CPEB1: variants seen among roughly 807,000 people sequenced by gnomAD.
CPEB1 encodes the protein cytoplasmic polyadenylation element-binding protein 1.
Under a neutral mutation model 65.8 loss-of-function variants are expected in CPEB1, and 7 were observed. That is an observed-to-expected ratio of 0.11 (90% CI 0.06 to 0.20). The LOEUF (loss-of-function observed/expected upper bound fraction) is 0.20. Among genes scored for constraint, CPEB1 ranks in the 10% least tolerant of loss-of-function variants. The pLI, the probability that CPEB1 is intolerant of heterozygous loss-of-function variation, is 1.00. For synonymous variants in CPEB1, 262 were observed against 260.0 expected, an observed-to-expected ratio of 1.01 and a Z score of -0.08; for missense variants, 551 against 712.2, an observed-to-expected ratio of 0.77 and a Z score of 2.58.
rs1011830212 is a variant in CPEB1 at position 82,543,630 on chromosome 15, C to A, written c.*962G>T. 3 of 151,994 alleles carry A rather than the reference C, an allele frequency of 2.0e-5. No individual in the cohort carries two copies. The highest frequency in any genetic ancestry group is 4.8e-5 in the African/African-American group (2 of 41,260). 9.4% of individuals were successfully genotyped at this position (151,994 alleles called of 1,614,324 possible). On this transcript the variant is annotated 3_prime_UTR_variant, in exon 13 of 13. Coordinates refer to ENST00000684509, the MANE Select transcript of CPEB1 (RefSeq NM_001365242.1). ...AGGGCTCCTGTGAGCCTTCATCTGC[C>A]CCCACCGAAAAGCAGCCCTTTTTAG...
intron 4 of CPEB1, among the ~76,000 whole-genome samples, chr15:82,568,468 G>T (rs939560352): frequency 6.6e-6 from 1 of 152,164 alleles, no homozygotes; most frequent in Non-Finnish European, 1.5e-5. Flanking sequence ...TAGTGCCTCA[G>T]GGTAGGCACA....
At chr15:82,640,950 T>C (rs1003187435) in intron 1 of CPEB1, 1 of 150,856 alleles carries the variant, frequency 6.6e-6, no homozygotes, top group African/African-American at 2.4e-5. Context: ...CAAATGGACA[T>C]TTCAAGTACA....
At chr15:82,616,336 G>C (rs772467950) in intron 3 of CPEB1, among the ~76,000 whole-genome samples, 20 of 152,040 alleles carry the variant, frequency 1.3e-4, no homozygotes, top group Non-Finnish European at 2.8e-4. Flanking sequence ...ACACAGAGAA[G>C]TATAAAAACA....
chr15:82,641,497 C>A (rs2047114197), intron 1 of CPEB1: 1 of 152,184 alleles, frequency 6.6e-6, no homozygotes. Context: ...CTAAATCTGT[C>A]AGGATGGTAC....
chr15:82,596,282 GA>G (rs1477762756), intron 3 of CPEB1, among the ~76,000 whole-genome samples: 1 of 152,092 alleles, frequency 6.6e-6, no homozygotes, highest in Non-Finnish European at 1.5e-5. Flanking sequence ...ATAATATTCT[GA>G]CCGAATTCAC....
Position 82,544,291 on chromosome 15 carries a change from T to C in CPEB1, c.*301A>G, listed in dbSNP as rs2034788373. ...CACGTAGTTTTTTTTTTTTTTTTTTTTTTCCCCGCTTTTCATCTGCAAAAT... is the reference window on the plus strand; with the variant it reads ...CACGTAGTTTTTTTTTTTTTTTTTTCTTTCCCCGCTTTTCATCTGCAAAAT... On this transcript the variant is annotated 3_prime_UTR_variant, in exon 13 of 13. Coordinates refer to ENST00000684509, the MANE Select transcript of CPEB1 (RefSeq NM_001365242.1). 4.3e-6 allele frequency: 1 copy of C among 229,976 alleles called. No homozygotes were observed. The highest frequency in any genetic ancestry group is 2.3e-5 in the African/African-American group (1 of 43,634). The allele number at this position is 229,976 out of a possible 1,614,324, so 14.2% of individuals were successfully genotyped here.
At chr15:82,647,796 A>T (rs1272388898), upstream of CPEB1, 1 of 1,257,914 alleles carries the variant, frequency 7.9e-7, no homozygotes, top group Non-Finnish European at 1.0e-6. Flanking sequence ...CTGCGCGCGG[A>T]CCGTTAGCTA....
At chr15:82,580,605 T>C (rs975308148) in intron 3 of CPEB1, among the ~76,000 whole-genome samples, 1 of 152,160 alleles carries the variant, frequency 6.6e-6, no homozygotes, top group Non-Finnish European at 1.5e-5. Flanking sequence ...TGTGCAAGCA[T>C]CACTACTCTT....
intron 6 of CPEB1, among the ~76,000 whole-genome samples, 192 bp downstream of exon 6, chr15:82,555,678 C>T (rs1055530423): frequency 6.6e-6 from 1 of 152,240 alleles, no homozygotes; most frequent in Non-Finnish European, 1.5e-5. Flanking sequence ...CCTCTCCACT[C>T]AGCCTCAAGA....
chr15:82,585,698 T>C (rs1195694886), intron 3 of CPEB1, among the ~76,000 whole-genome samples: 1 of 152,200 alleles, frequency 6.6e-6, no homozygotes, highest in African/African-American at 2.4e-5. Flanking sequence ...TTCCATTTTG[T>C]TTTTTAAAAT....
chr15:82,570,946 T>C (rs2039936734), intron 4 of CPEB1, among the ~76,000 whole-genome samples: 1 of 152,150 alleles, frequency 6.6e-6, no homozygotes, highest in South Asian at 2.1e-4. Flanking sequence ...GTAATTCTGG[T>C]CATCCAGTAA....
At chr15:82,573,138 G>T in intron 3 of CPEB1, 1 of 1,535,462 alleles carries the variant, frequency 6.5e-7, no homozygotes, top group Non-Finnish European at 8.7e-7. Context: ...TGCTGCCACA[G>T]AAATAGCTGT....
intron 3 of CPEB1, among the ~76,000 whole-genome samples, chr15:82,618,367 T>C (rs2044961648): frequency 6.6e-6 from 1 of 152,214 alleles, no homozygotes; most frequent in Admixed American, 6.5e-5. Flanking sequence ...CTCTCTCATA[T>C]ACACTTTGAC....
rs1242538728 is a variant in CPEB1, at chr15:82,578,627, T to C, written c.272-7095A>G. 2.0e-5 allele frequency among the ~76,000 whole-genome samples: 3 copies of C among 151,782 alleles called. No homozygotes were observed. The South Asian group carries it at 6.3e-4, about 32-fold the overall frequency. On this transcript the variant is annotated intron_variant, in intron 3 of 12. Transcript: ENST00000684509. ...CAAAAATTAGCCGGGTGTGGTGGCG[T>C]GCACCTGTAGTCCCAGCTACTCAGG... is the stretch of plus-strand genomic sequence containing the variant.
At chr15:82,625,547 C>G (rs2045686900) in intron 3 of CPEB1, among the ~76,000 whole-genome samples, 2 of 152,306 alleles carry the variant, frequency 1.3e-5, no homozygotes, top group Middle Eastern at 6.8e-3. Context: ...CCAGAGTATA[C>G]CAAAATCCGC....
Position 82,627,341 on chromosome 15 carries a change from A to G in CPEB1, c.123T>C (p.Asp41=), listed in dbSNP as rs772128934. Residue 41 remains aspartate, a synonymous_variant, in exon 3 of 13, where the codon GAT becomes GAC. Coordinates refer to ENST00000684509, the MANE Select transcript of CPEB1 (RefSeq NM_001365242.1). ...PLEEEAGRIK[D]CWDNQEAPAL... ...CAGGTGCTTCCTGGTTGTCCCAGCA[A>G]TCTTTTATCCTTCCTGCTTCTTCTT... 1.2e-5 allele frequency: 19 copies of G among 1,612,990 alleles called. No homozygotes were observed. In the African/African-American group the frequency reaches 2.4e-4, roughly 20 times the overall value.
At chr15:82,551,956 A>T (rs2036335621) in intron 9 of CPEB1, among the ~76,000 whole-genome samples, 1 of 152,232 alleles carries the variant, frequency 6.6e-6, no homozygotes, top group Non-Finnish European at 1.5e-5. Flanking sequence ...GCGTAGGAAG[A>T]GAGAATCTTA....
chr15:82,583,070 C>A, intron 3 of CPEB1, among the ~76,000 whole-genome samples: 1 of 152,284 alleles, frequency 6.6e-6, no homozygotes, highest in East Asian at 1.9e-4. Flanking sequence ...CCACAATCTG[C>A]TACTTATTCA....
intron 3 of CPEB1, among the ~76,000 whole-genome samples, chr15:82,621,211 A>G (rs1049894473): frequency 7.9e-5 from 12 of 152,188 alleles, no homozygotes; most frequent in African/African-American, 2.9e-4. Context: ...CAAAAATTCA[A>G]CATTAGTCAT....
Sources: gnomAD v4.1 joint callset for allele counts (sites outside exome capture counted in the v4.1 genomes callset) on GRCh38, gnomAD v4.1.1 for gene constraint, MANE v1.5 for transcripts, NCBI Gene and HGNC (gene_info 2026-07-23, HGNC 2026-07-21) for gene names.